Variants in PRELID2 observed in about 807,000 individuals in gnomAD.
The protein encoded by PRELID2 is PRELI domain containing 2.
In PRELID2, 25 loss-of-function variants were observed where a neutral mutation model predicts 28.4. The observed-to-expected ratio is 0.88, with a 90% CI of 0.64 to 1.23. The LOEUF (loss-of-function observed/expected upper bound fraction) is 1.23. Among genes scored for constraint, PRELID2 ranks in the 50% most tolerant of loss-of-function variants. PRELID2 has a pLI of 0.00. For synonymous variants in PRELID2, 76 were observed against 71.6 expected (o/e 1.06, Z -0.31); for missense variants, 201 against 214.4 (o/e 0.94, Z 0.39).
chr5:145,344,150 C>T, the PRELID2 span, among the ~76,000 whole-genome samples: 1 of 152,024 alleles, frequency 6.6e-6, no homozygotes, highest in African/African-American at 2.4e-5. Flanking sequence ...CTCTTTCACT[C>T]ATTCTACAAG....
the PRELID2 span, among the ~76,000 whole-genome samples, chr5:145,290,246 CT>C: frequency 6.6e-6 from 1 of 152,144 alleles, no homozygotes; most frequent in Non-Finnish European, 1.5e-5. Flanking sequence ...GATCCCATTA[CT>C]GAGTATACAC....
chr5:145,231,007 T>C, the PRELID2 span, among the ~76,000 whole-genome samples: 1 of 152,156 alleles, frequency 6.6e-6, no homozygotes, highest in African/African-American at 2.4e-5. Context: ...TTACACACTT[T>C]CACCTCAACC....
chr5:145,336,276 A>G, the PRELID2 span, among the ~76,000 whole-genome samples: 1 of 151,792 alleles, frequency 6.6e-6, no homozygotes, highest in Non-Finnish European at 1.5e-5. Flanking sequence ...TCTTTAGTTT[A>G]ATTAGATCCC....
At chr5:145,537,695 TGTTGA>T (rs1248023612) in intron 1 of PRELID2, among the ~76,000 whole-genome samples, 1 of 151,904 alleles carries the variant, frequency 6.6e-6, no homozygotes, top group Non-Finnish European at 1.5e-5. Flanking sequence ...TTTGTTTTAC[TGTTGA>T]GTTGTTTAAG....
At chr5:145,705,119 A>G (rs1168747260) in intron 1 of PRELID2, among the ~76,000 whole-genome samples, 1 of 152,208 alleles carries the variant, frequency 6.6e-6, no homozygotes, top group East Asian at 1.9e-4. Flanking sequence ...AGAATTAAAT[A>G]AAATAACGAT....
chr5:145,831,490 G>A (rs1755580592), intron 1 of PRELID2, among the ~76,000 whole-genome samples: 1 of 152,206 alleles, frequency 6.6e-6, no homozygotes, highest in South Asian at 2.1e-4. Context: ...ACCTAACAGT[G>A]AAAGCATAAT....
intron 1 of PRELID2, among the ~76,000 whole-genome samples, chr5:145,823,912 C>A (rs965735668): frequency 6.6e-6 from 1 of 152,056 alleles, no homozygotes; most frequent in Non-Finnish European, 1.5e-5. Context: ...GTTATTTTTT[C>A]CACTTCATAT....
chr5:145,531,326 C>G (rs1233997709), intron 1 of PRELID2, among the ~76,000 whole-genome samples: 1 of 152,162 alleles, frequency 6.6e-6, no homozygotes, highest in African/African-American at 2.4e-5. Flanking sequence ...TCATTACTTT[C>G]TCTCCCCTAA....
At chr5:145,231,464 G>A in the PRELID2 span, among the ~76,000 whole-genome samples, 4 of 152,136 alleles carry the variant, frequency 2.6e-5, no homozygotes, top group African/African-American at 9.7e-5. Context: ...CAGGAAACAA[G>A]GGACAATGCA....
intron 1 of PRELID2, among the ~76,000 whole-genome samples, chr5:145,552,962 A>G (rs1352977731): frequency 6.6e-6 from 1 of 152,230 alleles, no homozygotes; most frequent in Non-Finnish European, 1.5e-5. Context: ...TGTTTGGATT[A>G]GCCAATAATA....
At chr5:145,495,629 C>G (rs1337467338) in intron 1 of PRELID2, among the ~76,000 whole-genome samples, 1 of 152,162 alleles carries the variant, frequency 6.6e-6, no homozygotes, top group African/African-American at 2.4e-5. Flanking sequence ...TTTAGAAATT[C>G]TCACAGCCCT....
At chr5:145,705,439 T>C (rs1755520882) in intron 1 of PRELID2, among the ~76,000 whole-genome samples, 1 of 152,030 alleles carries the variant, frequency 6.6e-6, no homozygotes, top group Non-Finnish European at 1.5e-5. Context: ...CCTGACCTAG[T>C]GATTTGCCCG....
intron 1 of PRELID2, among the ~76,000 whole-genome samples, chr5:145,684,429 A>G (rs1754996718): frequency 6.6e-6 from 1 of 151,520 alleles, no homozygotes; most frequent in Admixed American, 6.6e-5. Flanking sequence ...AGGTCGTGGG[A>G]GAGAAAGGAA....
intron 1 of PRELID2, among the ~76,000 whole-genome samples, chr5:145,475,543 C>T (rs2126610175): frequency 6.6e-6 from 1 of 152,228 alleles, no homozygotes; most frequent in East Asian, 1.9e-4. Flanking sequence ...TTGTACCAAC[C>T]ATTTTTGCAA....
intron 1 of PRELID2, among the ~76,000 whole-genome samples, chr5:145,674,978 A>G (rs1163397105): frequency 6.6e-6 from 1 of 152,112 alleles, no homozygotes; most frequent in Admixed American, 6.6e-5. Context: ...CCACTATATC[A>G]GTACTATTAA....
intron 1 of PRELID2, among the ~76,000 whole-genome samples, chr5:145,626,136 CT>C (rs1472493156): frequency 6.6e-6 from 1 of 152,102 alleles, no homozygotes; most frequent in Non-Finnish European, 1.5e-5. Context: ...TAATTTATGA[CT>C]AGGTCTTCAA....
At chr5:145,455,675 T>G in the PRELID2 span, among the ~76,000 whole-genome samples, 1 of 152,330 alleles carries the variant, frequency 6.6e-6, no homozygotes, top group Admixed American at 6.5e-5. Flanking sequence ...TTGTAAGTTG[T>G]ATTCCTAGGT....
At chr5:145,795,180 C>A (rs1263079317) in intron 5 of PRELID2, 1 of 152,116 alleles carries the variant, frequency 6.6e-6, no homozygotes, top group Non-Finnish European at 1.5e-5. Flanking sequence ...CTTTTCTCAT[C>A]AGTTCCACTA....
In PRELID2 at chr5:145,833,155, C is replaced by T. The variant is rs544815919; in HGVS notation, c.75+2022G>A. Among the ~76,000 whole-genome samples, 7 of 152,226 alleles carry T rather than the reference C, an allele frequency of 4.6e-5. 1 individual carries two copies. The highest frequency in any genetic ancestry group is 3.9e-4 in the East Asian group (2 of 5,180). On this transcript the variant is annotated intron_variant, in intron 1 of 6. Transcript: ENST00000683046. The stretch of plus-strand genomic sequence containing the variant: ...AAGCATTTACCAAAAGCTGACAATG[C>T]GCCAGGACCTCCGTAAATAAGAGTT...
Sources: allele counts gnomAD v4.1 joint callset (sites outside exome capture counted in the v4.1 genomes callset), GRCh38; gene constraint gnomAD v4.1.1; transcripts MANE v1.5; gene names NCBI Gene and HGNC (gene_info 2026-07-23, HGNC 2026-07-21).